Variants in MREG observed in about 807,000 individuals in gnomAD.
MREG encodes the protein dilute suppressor protein homolog.
Under a neutral mutation model 28.5 loss-of-function variants are expected in MREG, and 31 were observed. The ratio of observed to expected loss-of-function variants is 1.09; its 90% CI spans 0.82 to 1.47. MREG has a LOEUF of 1.47. Among genes scored for constraint, MREG ranks in the 40% most tolerant of loss-of-function variants. The pLI, the probability that MREG is intolerant of heterozygous loss-of-function variation, is 0.00. For missense variants in MREG, 256 were observed against 257.4 expected, an observed-to-expected ratio of 0.99 and a Z score of 0.04; for synonymous variants, 106 against 95.2, an observed-to-expected ratio of 1.11 and a Z score of -0.66.
intron 1 of MREG, among the ~76,000 whole-genome samples, chr2:216,021,013 C>T (rs140407292): frequency 2.0e-5 from 3 of 152,348 alleles, no homozygotes; most frequent in Non-Finnish European, 2.9e-5. Context: ...TCTCACAGAG[C>T]GATGATCCTA....
At chr2:215,964,309 C>T (rs1285507112) in intron 2 of MREG, among the ~76,000 whole-genome samples, 1 of 152,044 alleles carries the variant, frequency 6.6e-6, no homozygotes, top group African/African-American at 2.4e-5. Context: ...CATGGTGAAA[C>T]CCTGTCTCTA....
chr2:215,951,509 A>G (rs1692484418), intron 2 of MREG, among the ~76,000 whole-genome samples: 1 of 152,202 alleles, frequency 6.6e-6, no homozygotes, highest in Admixed American at 6.5e-5. Flanking sequence ...GTTTTTCCTT[A>G]ATTTCTGAAA....
chr2:215,984,939 T>C (rs1453377744), intron 2 of MREG, among the ~76,000 whole-genome samples: 1 of 152,210 alleles, frequency 6.6e-6, no homozygotes, highest in East Asian at 1.9e-4. Flanking sequence ...CTATATTGAA[T>C]CACAAACAAT....
chr2:215,976,554 T>C (rs910031915), intron 2 of MREG, among the ~76,000 whole-genome samples: 3 of 152,156 alleles, frequency 2.0e-5, no homozygotes, highest in Non-Finnish European at 2.9e-5. Flanking sequence ...AGCACCGAGT[T>C]ATCATACCTT....
chr2:216,004,452 G>C (rs1186538191), intron 1 of MREG, among the ~76,000 whole-genome samples: 1 of 151,894 alleles, frequency 6.6e-6, no homozygotes, highest in Non-Finnish European at 1.5e-5. Context: ...TGCCTAACAG[G>C]AGAATCACTT....
intron 1 of MREG, among the ~76,000 whole-genome samples, chr2:216,026,490 A>T (rs943508246): frequency 2.0e-5 from 3 of 152,044 alleles, no homozygotes; most frequent in Non-Finnish European, 4.4e-5. Flanking sequence ...CTTCCTGAGT[A>T]GCTGTGACTA....
At chr2:215,984,093 A>T (rs1390907148) in intron 2 of MREG, among the ~76,000 whole-genome samples, 2 of 152,222 alleles carry the variant, frequency 1.3e-5, no homozygotes, top group Admixed American at 1.3e-4. Context: ...CCTCACAATC[A>T]TGGCAGAAGG....
chr2:215,964,552 C>CA (rs950904701), intron 2 of MREG, among the ~76,000 whole-genome samples: 13 of 152,096 alleles, frequency 8.5e-5, no homozygotes, highest in African/African-American at 3.1e-4. Context: ...AGATAATTCA[C>CA]AAAAAAATCA....
At chr2:216,031,452 AAAGAG>A (rs1278205251) in intron 1 of MREG, among the ~76,000 whole-genome samples, 5 of 142,166 alleles carry the variant, frequency 3.5e-5, no homozygotes, top group Non-Finnish European at 7.5e-5. Flanking sequence ...AAAAAGAAAG[AAAGAG>A]AGAAAGAAAG....
At chr2:215,983,625 A>AT (rs1396303755) in intron 2 of MREG, among the ~76,000 whole-genome samples, 2 of 152,098 alleles carry the variant, frequency 1.3e-5, no homozygotes, top group Admixed American at 1.3e-4. Context: ...TGTAGTTTTA[A>AT]TTTTTTGCTT....
In MREG at chr2:215,944,697, TG is replaced by T. The variant is rs1269709170; in HGVS notation, c.*165del. On this transcript the variant is annotated 3_prime_UTR_variant, in exon 5 of 5. Coordinates refer to ENST00000263268, the MANE Select transcript of MREG (RefSeq NM_018000.3). ...GTTTCAATGCAGCCTGCACAATTCA[TG>T]GGGCAGGGTCCTCAGATTAAAGACT... 8.1e-6 allele frequency: 5 copies of T among 617,742 alleles called. No homozygotes were observed. The highest frequency in any genetic ancestry group is 7.2e-5 in the African/African-American group (4 of 55,184). 38.3% of individuals were successfully genotyped at this position (617,742 alleles called of 1,614,324 possible). A position where few individuals can be genotyped will look rare whatever the true frequency, so the allele number is the denominator to read the frequency against.
intron 1 of MREG, among the ~76,000 whole-genome samples, chr2:216,004,668 A>G (rs1043074253): frequency 2.6e-5 from 4 of 152,216 alleles, no homozygotes; most frequent in African/African-American, 7.2e-5. Context: ...AACTGTAGAG[A>G]TGAGTATGAC....
intron 1 of MREG, among the ~76,000 whole-genome samples, chr2:216,025,698 C>T (rs1453290405): frequency 6.6e-6 from 1 of 152,202 alleles, no homozygotes; most frequent in African/African-American, 2.4e-5. Context: ...AGAGGCTGTC[C>T]CAGAAATGGG....
chr2:216,029,462 T>C (rs1186988048), intron 1 of MREG, among the ~76,000 whole-genome samples: 1 of 87,958 alleles, frequency 1.1e-5, no homozygotes, highest in African/African-American at 3.9e-5. Flanking sequence ...GGCGAGAGAG[T>C]GAGACTCCAT....
chr2:215,951,731 A>G (rs772270926), intron 2 of MREG, among the ~76,000 whole-genome samples: 4 of 152,160 alleles, frequency 2.6e-5, no homozygotes, highest in Non-Finnish European at 5.9e-5. Flanking sequence ...GGGCTGCTAG[A>G]TAAGAAGGTT....
At position 215,947,148 on chromosome 2, in the gene MREG, C is replaced by A; in HGVS notation, c.256-35G>T. The A allele has an allele frequency of 2.8e-6, 4 of 1,429,172 alleles. 1 individual carries two copies. Among genetic ancestry groups the A allele is most frequent in the South Asian group, 1.2e-5 (1 of 83,444 alleles). The allele number at this position is 1,429,172 out of a possible 1,614,324, so 88.5% of individuals were successfully genotyped here. A position where few individuals can be genotyped will look rare whatever the true frequency, so the allele number is the denominator to read the frequency against. ...AATAAAAGTTTAGTTTTATTTATAC[C>A]CCTTGGCTTAAACCTCTATCTCATT... is the stretch of plus-strand genomic sequence containing the variant. On this transcript the variant is annotated intron_variant, in intron 2 of 4. Coordinates refer to ENST00000263268, the MANE Select transcript of MREG (RefSeq NM_018000.3).
intron 1 of MREG, among the ~76,000 whole-genome samples, chr2:216,031,473 AAG>A (rs60724822): frequency 0.011 from 1,191 of 110,468 alleles, 10 homozygotes; most frequent in African/African-American, 0.035. Flanking sequence ...GAAAGAAAGA[AAG>A]AGAAAGAAAG....
intron 2 of MREG, among the ~76,000 whole-genome samples, chr2:215,958,008 A>G (rs1404931039): frequency 6.6e-6 from 1 of 151,938 alleles, no homozygotes; most frequent in African/African-American, 2.4e-5. Flanking sequence ...TCGCAAGGAC[A>G]AAAAACCAAA....
chr2:215,951,833 T>A (rs1430843331), intron 2 of MREG, among the ~76,000 whole-genome samples: 1 of 152,236 alleles, frequency 6.6e-6, no homozygotes, highest in Non-Finnish European at 1.5e-5. Context: ...GGAGCTGACC[T>A]TGACCTTGAG....
Sources: gnomAD v4.1 joint callset for allele counts (sites outside exome capture counted in the v4.1 genomes callset) on GRCh38, gnomAD v4.1.1 for gene constraint, MANE v1.5 for transcripts, NCBI Gene and HGNC (gene_info 2026-07-23, HGNC 2026-07-21) for gene names.